Variants in SHQ1 observed in about 807,000 individuals in gnomAD.
SHQ1 encodes the protein SHQ1, H/ACA ribonucleoprotein assembly factor, also known as protein SHQ1 homolog.
Under a neutral mutation model 53.8 loss-of-function variants are expected in SHQ1, and 49 were observed. The ratio of observed to expected loss-of-function variants is 0.91; its 90% CI spans 0.72 to 1.16. The LOEUF is 1.16. SHQ1 is among the 50% of genes most tolerant of loss of function. The probability of loss-of-function intolerance (pLI) is 0.00; values close to 1 mark genes in which losing one functional copy is unlikely to be tolerated. For missense variants in SHQ1, 738 were observed against 683.1 expected (o/e 1.08, Z -0.90); for synonymous variants, 243 against 251.0 (o/e 0.97, Z 0.30).
chr3:72,822,492 T>C (rs372578541), intron 6 of SHQ1, among the ~76,000 whole-genome samples: 1 of 152,180 alleles, frequency 6.6e-6, no homozygotes, highest in Non-Finnish European at 1.5e-5. Context: ...TTTATCAAAG[T>C]AGAGCAAGTT....
rs142742479 is a variant in SHQ1, at chr3:72,844,158, C to T, written c.208+201G>A. 8.2e-4 allele frequency among the ~76,000 whole-genome samples: 125 copies of T among 152,188 alleles called. 2 individuals carry two copies. The East Asian group carries it at 0.019, about 23-fold the overall frequency. ...GAGCAGTTAACTTTACTTTGAAGAA[C>T]ATTGTGAAATACTTTAAAAGACTTG... On this transcript the variant is annotated intron_variant, in intron 2 of 10. Coordinates refer to ENST00000325599, the MANE Select transcript of SHQ1 (RefSeq NM_018130.3).
intron 2 of SHQ1, among the ~76,000 whole-genome samples, chr3:72,842,792 C>G (rs533505340): frequency 4.6e-5 from 7 of 152,180 alleles, no homozygotes; most frequent in African/African-American, 1.2e-4. Context: ...AATTATTAAT[C>G]TGGCTGGGTA....
intron 10 of SHQ1, among the ~76,000 whole-genome samples, chr3:72,751,498 G>GTATA (rs1274696079): frequency 8.3e-6 from 1 of 119,858 alleles, no homozygotes; most frequent in African/African-American, 4.1e-5. Context: ...GTGTGTGTGT[G>GTATA]TGTGTGTGTG....
At chr3:72,738,814 T>TG in the SHQ1 span, among the ~76,000 whole-genome samples, 21 of 152,202 alleles carry the variant, frequency 1.4e-4, no homozygotes, top group Non-Finnish European at 2.8e-4. Flanking sequence ...CGTCTGCCCC[T>TG]GCCGCTGGGA....
At chr3:72,823,782 G>A (rs1410735502) in intron 6 of SHQ1, among the ~76,000 whole-genome samples, 1 of 152,104 alleles carries the variant, frequency 6.6e-6, no homozygotes, top group Non-Finnish European at 1.5e-5. Context: ...GAAGAACTTG[G>A]GGTGGGAAGA....
intron 8 of SHQ1, 84 bp downstream of exon 8, chr3:72,815,266 C>T: frequency 8.8e-7 from 1 of 1,133,456 alleles, no homozygotes; most frequent in Non-Finnish European, 1.3e-6. Flanking sequence ...CAAGGAATTG[C>T]TTGAATTACC....
At chr3:72,741,372 G>C in the SHQ1 span, among the ~76,000 whole-genome samples, 1 of 152,116 alleles carries the variant, frequency 6.6e-6, no homozygotes, top group African/African-American at 2.4e-5. Context: ...GATCACCTGA[G>C]GTCAGGAGTT....
chr3:72,764,028 C>T (rs1295918824), intron 10 of SHQ1, among the ~76,000 whole-genome samples: 2 of 151,208 alleles, frequency 1.3e-5, no homozygotes, highest in East Asian at 3.9e-4. Context: ...AAAAAGACAC[C>T]ACTAAAAATA....
intron 10 of SHQ1, chr3:72,773,165 C>G (rs1575683886): frequency 1.4e-6 from 1 of 736,960 alleles, no homozygotes; most frequent in Non-Finnish European, 2.5e-6. Context: ...TGGAAAAAGA[C>G]ATAAAAAACC....
At chr3:72,732,171 C>G in the SHQ1 span, among the ~76,000 whole-genome samples, 5 of 151,552 alleles carry the variant, frequency 3.3e-5, no homozygotes, top group African/African-American at 1.2e-4. Flanking sequence ...AATTAAGGCT[C>G]AGGGCAGCCA....
the SHQ1 span, among the ~76,000 whole-genome samples, chr3:72,735,132 T>C: frequency 0.014 from 2,143 of 151,950 alleles, 106 homozygotes; most frequent in African/African-American, 0.047. Flanking sequence ...TGCCAGCAAG[T>C]GATAAGCTGC....
At chr3:72,797,120 T>C (rs2106810508) in intron 9 of SHQ1, among the ~76,000 whole-genome samples, 1 of 151,930 alleles carries the variant, frequency 6.6e-6, no homozygotes, top group South Asian at 2.1e-4. Flanking sequence ...TAGCCGGGCA[T>C]GATAGCAGGT....
rs149892195 is a variant in SHQ1 at position 72,813,124 on chromosome 3, A to G, written c.937-330T>C. 4.7e-3 allele frequency among the ~76,000 whole-genome samples: 715 copies of G among 152,290 alleles called. 8 individuals carry two copies. Among genetic ancestry groups the G allele is most frequent in the African/African-American group, 0.016 (655 of 41,544 alleles). On this transcript the variant is annotated intron_variant, in intron 8 of 10. Coordinates refer to ENST00000325599, the MANE Select transcript of SHQ1 (RefSeq NM_018130.3). ...ATGCACATAAAGGACATTTTAATAT[A>G]ATTTACATTTCATGTTTTTGTCAGC...
intron 1 of SHQ1, 136 bp from the exon 2 acceptor site, chr3:72,844,559 T>G (rs1413867816): frequency 4.0e-6 from 3 of 745,096 alleles, no homozygotes; most frequent in Non-Finnish European, 7.2e-6. Context: ...CTTTCACATT[T>G]TAATAAACTA....
the SHQ1 span, among the ~76,000 whole-genome samples, chr3:72,742,080 G>A: frequency 7.2e-5 from 11 of 151,886 alleles, no homozygotes; most frequent in Non-Finnish European, 1.5e-4. Context: ...CTATGCATCT[G>A]GGTGTGGTGG....
intron 1 of SHQ1, among the ~76,000 whole-genome samples, chr3:72,847,054 C>T (rs568456529): frequency 7.6e-4 from 115 of 152,236 alleles, no homozygotes; most frequent in African/African-American, 2.6e-3. Flanking sequence ...CAATTAAGTA[C>T]ACTGTTTATT....
chr3:72,809,405 A>C (rs1559682536), intron 9 of SHQ1, among the ~76,000 whole-genome samples: 1 of 152,126 alleles, frequency 6.6e-6, no homozygotes, highest in Non-Finnish European at 1.5e-5. Flanking sequence ...CAAATATATG[A>C]TATGATATAT....
the SHQ1 span, among the ~76,000 whole-genome samples, chr3:72,729,808 A>T: frequency 9.9e-5 from 15 of 152,154 alleles, no homozygotes; most frequent in South Asian, 6.2e-4. Context: ...TTTCAAATTA[A>T]ATTTTATTTT....
At position 72,842,585 on chromosome 3, in the gene SHQ1, A is replaced by T. The variant is rs2036446; in HGVS notation, c.209-183T>A. Among the ~76,000 whole-genome samples, 75,761 of 151,906 alleles carry T rather than the reference A, an allele frequency of 0.5. 20,910 individuals are homozygous for T. Among genetic ancestry groups the T allele is most frequent in the African/African-American group, 0.72 (29,850 of 41,426 alleles). On this transcript the variant is annotated intron_variant, in intron 2 of 10. Coordinates refer to ENST00000325599, the MANE Select transcript of SHQ1 (RefSeq NM_018130.3). The stretch of plus-strand genomic sequence containing the variant: ...CTCTACAGAAAATAATAATAAAATC[A>T]TTTTAATTAAAAGAAAAAAATAAAT...
Sources: gnomAD v4.1 joint callset for allele counts (sites outside exome capture counted in the v4.1 genomes callset) on GRCh38, gnomAD v4.1.1 for gene constraint, MANE v1.5 for transcripts, NCBI Gene and HGNC (gene_info 2026-07-23, HGNC 2026-07-21) for gene names.